ZBTB38: variants seen among roughly 807,000 people sequenced by gnomAD.
ZBTB38 encodes the protein zinc finger and BTB domain-containing protein 38.
A neutral mutation model predicts 76.8 loss-of-function variants in ZBTB38; 20 were observed. The ratio of observed to expected loss-of-function variants is 0.26; its 90% CI spans 0.18 to 0.38. The LOEUF (loss-of-function observed/expected upper bound fraction) is 0.38, where lower values mean the gene tolerates loss of function less well. ZBTB38 is among the 10% of genes least tolerant of loss of function. The pLI, the probability that ZBTB38 is intolerant of heterozygous loss-of-function variation, is 1.00. For synonymous variants in ZBTB38, 504 were observed against 544.2 expected (o/e 0.93, Z 1.03); for missense variants, 1,082 against 1,482.3 (o/e 0.73, Z 4.43).
chr3:141,381,315 G>C (rs369916954), intron 2 of ZBTB38, 110 bp from the exon 3 acceptor site: 1 of 152,224 alleles, frequency 6.6e-6, no homozygotes, highest in Non-Finnish European at 1.5e-5. Flanking sequence ...TTTGAGTTGG[G>C]TTAGGATGGG....
intron 5 of ZBTB38, among the ~76,000 whole-genome samples, chr3:141,440,167 A>G (rs1287917790): frequency 6.6e-6 from 1 of 152,228 alleles, no homozygotes; most frequent in Non-Finnish European, 1.5e-5. Flanking sequence ...AAGAAAATGA[A>G]ACAATAGGCA....
chr3:141,441,815 C>T (rs903692176), intron 5 of ZBTB38, among the ~76,000 whole-genome samples: 8 of 152,008 alleles, frequency 5.3e-5, no homozygotes, highest in African/African-American at 1.9e-4. Flanking sequence ...ATTCAGGAAG[C>T]TGAGGTGAGA....
rs571108481 is a variant in ZBTB38 at position 141,422,279 on chromosome 3, C to A, written c.-1+18248C>A. On this transcript the variant is annotated intron_variant, in intron 5 of 5. Transcript: ENST00000321464. ...GGGGGAGCCCCATGCCCCTTTCTCT[C>A]TGGCCTTTCTCCTCCTGCATCCTGC... Among the ~76,000 whole-genome samples the A allele has an allele frequency of 7.9e-5, 12 of 152,324 alleles. No individual in the cohort carries two copies. In the South Asian group the frequency reaches 8.3e-4, roughly 11 times the overall value.
Position 141,445,396 on chromosome 3 carries a change from G to A in ZBTB38, c.3008G>A (p.Arg1003Gln), listed in dbSNP as rs769412267. ...VGAGNQGRPH[R>Q]HLTSRPYACE... ...GCTGGAAACCAAGGAAGGCCCCACCGACATCTTACTTCTCGGCCATATGCC... is the reference window on the plus strand; with the variant it reads ...GCTGGAAACCAAGGAAGGCCCCACCAACATCTTACTTCTCGGCCATATGCC... Residue 1003 changes from arginine to glutamine, a missense_variant, in exon 6 of 6, where the codon CGA (arginine) becomes CAA (glutamine). This residue lies in a region of ZBTB38 where 471 missense variants were observed against 581.0 expected (regional missense o/e 0.81). Transcript: ENST00000321464. This position sits in a 1 kb window ranked among gnomAD's most constrained non-coding sequence, Gnocchi z 6.5. 8.7e-6 allele frequency: 14 copies of A among 1,614,004 alleles called. No individual in the cohort carries two copies. The highest frequency in any genetic ancestry group is 1.2e-5 in the Non-Finnish European group (14 of 1,180,018).
chr3:141,445,876 A>G lies in ZBTB38; in HGVS notation c.3488A>G (p.His1163Arg), dbSNP rs1371101487. The G allele has an allele frequency of 3.1e-6, 5 of 1,612,302 alleles. No individual in the cohort carries two copies. The African/African-American group carries it at 6.7e-5, about 22-fold the overall frequency. ...CAGGAGAAAATAGGTGACGTGTGCCACGAAAACTCAAATCCCTTGGAGAAT... is the reference window on the plus strand; with the variant it reads ...CAGGAGAAAATAGGTGACGTGTGCCGCGAAAACTCAAATCCCTTGGAGAAT... ...SQQEKIGDVC[H>R]ENSNPLENQH... is the part of the protein sequence containing the mutation. Residue 1163 changes from histidine to arginine, a missense_variant, in exon 6 of 6, where the codon CAC becomes CGC. Physicochemically the swap from His to Arg is conservative, Grantham distance 29. Transcript: ENST00000321464. The surrounding 1 kb of genome is among the most constrained non-coding windows in gnomAD (Gnocchi z 6.5).
At chr3:141,328,535 C>T (rs561899309) in intron 1 of ZBTB38, among the ~76,000 whole-genome samples, 1 of 152,188 alleles carries the variant, frequency 6.6e-6, no homozygotes, top group South Asian at 2.1e-4. Flanking sequence ...CACACTCTAC[C>T]TCCTAAATGT....
At chr3:141,421,342 G>C (rs2075329106) in intron 5 of ZBTB38, among the ~76,000 whole-genome samples, 1 of 148,994 alleles carries the variant, frequency 6.7e-6, no homozygotes, top group Non-Finnish European at 1.5e-5. Flanking sequence ...GGCCAGGTTG[G>C]TCTTGAACTC....
intron 4 of ZBTB38, among the ~76,000 whole-genome samples, chr3:141,391,272 T>G (rs1948791062): frequency 6.6e-6 from 1 of 152,238 alleles, no homozygotes; most frequent in East Asian, 1.9e-4. Flanking sequence ...AGCATTTAAG[T>G]GAAGATCGTG....
At chr3:141,340,982 GAA>G (rs1234850294) in intron 1 of ZBTB38, among the ~76,000 whole-genome samples, 18 of 137,522 alleles carry the variant, frequency 1.3e-4, no homozygotes, top group Non-Finnish European at 1.9e-4. Flanking sequence ...AAGAAAGAAA[GAA>G]AGAAAGAGAA....
chr3:141,417,875 G>A lies in ZBTB38; in HGVS notation c.-1+13844G>A, dbSNP rs1436519910. On this transcript the variant is annotated intron_variant, in intron 5 of 5. Coordinates refer to ENST00000321464, the MANE Select transcript of ZBTB38 (RefSeq NM_001376113.1). ...ACTAAAAATACAAAAATTAGCTGGCGTAGTGGTGCATGCCTGTAGTCTCAG... is the reference window on the plus strand; with the variant it reads ...ACTAAAAATACAAAAATTAGCTGGCATAGTGGTGCATGCCTGTAGTCTCAG... Among the ~76,000 whole-genome samples, 6 of 152,138 alleles carry A rather than the reference G, an allele frequency of 3.9e-5. 1 individual carries two copies. The highest frequency in any genetic ancestry group is 4.1e-4 in the South Asian group (2 of 4,822).
intron 1 of ZBTB38, among the ~76,000 whole-genome samples, chr3:141,369,288 G>A (rs1318500484): frequency 1.3e-5 from 2 of 152,180 alleles, no homozygotes; most frequent in Non-Finnish European, 2.9e-5. Context: ...GTAAAAAGAT[G>A]TACATAATTG....
chr3:141,336,271 T>A (rs962190723), intron 1 of ZBTB38, among the ~76,000 whole-genome samples: 3 of 152,126 alleles, frequency 2.0e-5, no homozygotes, highest in Non-Finnish European at 2.9e-5. Flanking sequence ...AATATTCACA[T>A]ACTCTAAATG....
At chr3:141,343,981 G>T (rs1236333622) in intron 1 of ZBTB38, among the ~76,000 whole-genome samples, 1 of 152,144 alleles carries the variant, frequency 6.6e-6, no homozygotes, top group Non-Finnish European at 1.5e-5. Context: ...AATTTTGAGG[G>T]ACTTGCATCT....
Position 141,444,600 on chromosome 3 carries a change from A to G in ZBTB38, c.2212A>G (p.Ser738Gly). 6.2e-7 allele frequency: 1 copy of G among 1,614,238 alleles called. No individual in the cohort carries two copies. Among genetic ancestry groups the G allele is most frequent in the Non-Finnish European group, 8.5e-7 (1 of 1,180,046 alleles). ...CAGCAATGCCATTGCTGCCATGACC[A>G]GCAGCAACCACAGAGCCTTTTCAGA... ...MHSNAIAAMT[S>G]SNHRAFSDPA... Residue 738 changes from serine to glycine, a missense_variant, in exon 6 of 6, where the codon AGC becomes GGC. Ser to Gly is a moderately conservative substitution (Grantham distance 56). This residue lies in a region of ZBTB38 where 471 missense variants were observed against 581.0 expected (regional missense o/e 0.81). Coordinates refer to ENST00000321464, the MANE Select transcript of ZBTB38 (RefSeq NM_001376113.1). The surrounding 1 kb of genome is among the most constrained non-coding windows in gnomAD (Gnocchi z 5.1).
chr3:141,389,185 G>A (rs1480924370), intron 4 of ZBTB38: 1 of 152,160 alleles, frequency 6.6e-6, no homozygotes, highest in East Asian at 1.9e-4. Flanking sequence ...TTGCTTCAAT[G>A]TGAAGAACAT....
At chr3:141,363,773 C>A (rs1428243932), upstream of ZBTB38, among the ~76,000 whole-genome samples, 1 of 151,954 alleles carries the variant, frequency 6.6e-6, no homozygotes, top group African/African-American at 2.4e-5. Context: ...ACCAGATAGC[C>A]ACATGAAAAG....
chr3:141,396,986 A>G (rs545356390), intron 4 of ZBTB38, among the ~76,000 whole-genome samples: 1 of 152,348 alleles, frequency 6.6e-6, no homozygotes, highest in African/African-American at 2.4e-5. Flanking sequence ...ACTGGCTTCA[A>G]CTTAAAGTCA....
intron 3 of ZBTB38, among the ~76,000 whole-genome samples, chr3:141,382,069 A>C (rs1177492838): frequency 6.6e-6 from 1 of 152,200 alleles, no homozygotes; most frequent in African/African-American, 2.4e-5. Context: ...TCTGTTCAGG[A>C]GAAAAATACT....
chr3:141,350,189 G>A (rs563830938), intron 1 of ZBTB38, among the ~76,000 whole-genome samples: 2 of 152,246 alleles, frequency 1.3e-5, no homozygotes, highest in African/African-American at 2.4e-5. Context: ...TTTACACATC[G>A]GGGATAAGAA....
Sources: allele counts gnomAD v4.1 joint callset (sites outside exome capture counted in the v4.1 genomes callset), GRCh38; gene constraint gnomAD v4.1.1; regional missense constraint gnomAD v4.1.1; non-coding constraint Gnocchi (gnomAD v3.1); transcripts MANE v1.5; gene names NCBI Gene and HGNC (gene_info 2026-07-23, HGNC 2026-07-21).